Variants in BAHCC1 observed in about 807,000 individuals in gnomAD.
BAHCC1 encodes the protein BAH and coiled-coil domain-containing protein 1.
In BAHCC1, 43 loss-of-function variants were observed where a neutral mutation model predicts 88.2. That is an observed-to-expected ratio of 0.49 (90% CI 0.38 to 0.63). BAHCC1 has a LOEUF of 0.63. Among genes scored for constraint, BAHCC1 ranks in the 20% least tolerant of loss-of-function variants. BAHCC1 has a pLI of 0.00. For synonymous variants in BAHCC1, 1,510 were observed against 745.5 expected, an observed-to-expected ratio of 2.03 and a Z score of -16.71; for missense variants, 3,023 against 1,654.8, an observed-to-expected ratio of 1.83 and a Z score of -14.34.
At chr17:81,416,087 CGT>C (rs1218187387) in intron 2 of BAHCC1, among the ~76,000 whole-genome samples, 3 of 117,672 alleles carry the variant, frequency 2.5e-5, no homozygotes, top group Non-Finnish European at 3.5e-5. Context: ...TGCGTGTGTG[CGT>C]GTGTGTCCAT....
At position 81,412,575 on chromosome 17, in the gene BAHCC1, C is replaced by T. The variant is rs1216051370; in HGVS notation, c.178+12658C>T. Among the ~76,000 whole-genome samples the T allele has an allele frequency of 5.3e-5, 8 of 152,186 alleles. 1 individual carries two copies. The highest frequency in any genetic ancestry group is 1.9e-4 in the East Asian group (1 of 5,174). On this transcript the variant is annotated intron_variant, in intron 2 of 27. Transcript: ENST00000675386. The stretch of plus-strand genomic sequence containing the variant: ...CGGCCAGGGCAGGGAGCAGCCACCA[C>T]GCTTCAGCCTGCGTTGCTGACTCGT...
rs529239130 is a variant in BAHCC1 at position 81,464,964 on chromosome 17, C to G, written c.*1147C>G. On this transcript the variant is annotated 3_prime_UTR_variant, in exon 28 of 28. Coordinates refer to ENST00000675386, the MANE Select transcript of BAHCC1 (RefSeq NM_001377448.1). ...CCAGGTTCCTGAACTGGGCAGGGCT[C>G]GGGGCCTATGAGGGCAGGTTCACAG... 6 of 152,172 alleles carry G rather than the reference C, an allele frequency of 3.9e-5. No homozygotes were observed. The highest frequency in any genetic ancestry group is 8.8e-5 in the Non-Finnish European group (6 of 68,060). The allele number at this position is 152,172 out of a possible 1,614,324, so 9.4% of individuals were successfully genotyped here.
rs571167568 is a variant in BAHCC1 at position 81,406,366 on chromosome 17, C to T, written c.178+6449C>T. Among the ~76,000 whole-genome samples, 10 of 152,338 alleles carry T rather than the reference C, an allele frequency of 6.6e-5. No homozygotes were observed. In the East Asian group the frequency reaches 1.9e-3, roughly 29 times the overall value. ...GGTTACTTGCTCTGCATTCCCCCTC[C>T]CAGCCCCCGCTCCCCGCCCACCTGG... is the stretch of plus-strand genomic sequence containing the variant. On this transcript the variant is annotated intron_variant, in intron 2 of 27. Transcript: ENST00000675386.
At chr17:81,459,641 C>T (rs1555658585) in intron 23 of BAHCC1, 37 bp downstream of exon 23, 1 of 778,554 alleles carries the variant, frequency 1.3e-6, no homozygotes, top group Non-Finnish European at 2.4e-6. Flanking sequence ...GGGCAGGCCC[C>T]TCTGAGACCC....
At chr17:81,397,894 A>G (rs1261289282) in intron 1 of BAHCC1, among the ~76,000 whole-genome samples, 2 of 152,230 alleles carry the variant, frequency 1.3e-5, no homozygotes, top group African/African-American at 4.8e-5. Context: ...ATAAATATTA[A>G]AAAAGCTTAT....
rs117308357 is a variant in BAHCC1 at position 81,404,878 on chromosome 17, G to A, written c.178+4961G>A. 5.9e-3 allele frequency among the ~76,000 whole-genome samples: 905 copies of A among 152,236 alleles called. 5 individuals carry two copies. The highest frequency in any genetic ancestry group is 8.4e-3 in the Non-Finnish European group (569 of 68,012). On this transcript the variant is annotated intron_variant, in intron 2 of 27. Transcript: ENST00000675386. ...TGGAGGCAGGGACCGGAGAACAGTC[G>A]TGGGGAATCACTGAATGCTGCTTTC...
At position 81,442,471 on chromosome 17, in the gene BAHCC1, C is replaced by G. The variant is rs371913800; in HGVS notation, c.1122C>G (p.Asp374Glu). 1 of 720,294 alleles carries G rather than the reference C, an allele frequency of 1.4e-6. No homozygotes were observed. Among genetic ancestry groups the G allele is most frequent in the African/African-American group, 1.7e-5 (1 of 57,300 alleles). The allele number at this position is 720,294 out of a possible 1,614,324, so 44.6% of individuals were successfully genotyped here. Residue 374 changes from aspartate (D) to glutamate (E), a missense_variant, in exon 5 of 28, where the codon GAC becomes GAG. By Grantham distance (45) the Asp-to-Glu change is conservative (BLOSUM62 2). Transcript: ENST00000675386. ...GCCTGCAGCTGCACGGGGGCCCTGA[C>G]GGGCTCTGCCCGCTGCAGGACAAAG... ...FPCLQLHGGP[D>E]GLCPLQDKAP...
intron 26 of BAHCC1, 97 bp from the exon 27 acceptor site, chr17:81,462,643 C>G (rs1322705314): frequency 3.0e-6 from 2 of 660,992 alleles, no homozygotes; most frequent in Non-Finnish European, 2.7e-6. Context: ...CTCAGACTCA[C>G]ACTCACACCC....
At chr17:81,463,535 C>T (rs556937217) in intron 27 of BAHCC1, 76 bp from the exon 28 acceptor site, 12 of 757,168 alleles carry the variant, frequency 1.6e-5, no homozygotes, top group East Asian at 1.5e-4. Flanking sequence ...CATGGGTGGG[C>T]GGGTGGTCTT....
chr17:81,460,197 A>G, intron 23 of BAHCC1, 80 bp from the exon 24 acceptor site: 2 of 689,024 alleles, frequency 2.9e-6, no homozygotes, highest in South Asian at 1.6e-5. Context: ...CACCCTCCCC[A>G]CCGGCTTTGG....
Position 81,463,988 on chromosome 17 carries a change from G to A in BAHCC1, c.*171G>A. On this transcript the variant is annotated 3_prime_UTR_variant, in exon 28 of 28. Transcript: ENST00000675386. ...GCTTTCTTACGGTTTTCCCTGGAAAGAGCGCTCCAGGTGTCGGAATCCAGT... is the reference window on the plus strand; with the variant it reads ...GCTTTCTTACGGTTTTCCCTGGAAAAAGCGCTCCAGGTGTCGGAATCCAGT... 1 of 610,444 alleles carries A rather than the reference G, an allele frequency of 1.6e-6. No homozygotes were observed. 37.8% of individuals were successfully genotyped at this position (610,444 alleles called of 1,614,324 possible).
chr17:81,446,194 C>T (rs973944277), intron 10 of BAHCC1, among the ~76,000 whole-genome samples: 31 of 152,176 alleles, frequency 2.0e-4, no homozygotes, highest in Non-Finnish European at 4.3e-4. Flanking sequence ...ACACTGGAAA[C>T]CGTGTGGCGA....
chr17:81,435,431 C>T lies in BAHCC1; in HGVS notation c.359-2939C>T, dbSNP rs1171809409. 3 of 470,152 alleles carry T rather than the reference C, an allele frequency of 6.4e-6. No homozygotes were observed. Among genetic ancestry groups the T allele is most frequent in the Non-Finnish European group, 1.3e-5 (3 of 226,930 alleles). The allele number at this position is 470,152 out of a possible 1,614,324, so 29.1% of individuals were successfully genotyped here. ...ACTGCCCCCAGGGCTCTTCCCCACG[C>T]TCCACCAGGCTCCGAGGGCACCAGC... On this transcript the variant is annotated intron_variant, in intron 3 of 27. Transcript: ENST00000675386. The surrounding 1 kb of genome is among the most constrained non-coding windows in gnomAD (Gnocchi z 4.4).
At position 81,457,555 on chromosome 17, in the gene BAHCC1, G is replaced by A; in HGVS notation, c.5004G>A (p.Gln1668=). 3 of 749,528 alleles carry A rather than the reference G, an allele frequency of 4.0e-6. No individual in the cohort carries two copies. Among genetic ancestry groups the A allele is most frequent in the Non-Finnish European group, 7.4e-6 (3 of 403,042 alleles). 46.4% of individuals were successfully genotyped at this position (749,528 alleles called of 1,614,324 possible). The change falls in exon 17 of 28, where the codon CAG becomes CAA. Residue 1668 remains glutamine, a synonymous_variant. Transcript: ENST00000675386. ...PSSVVKMEAN[Q]KAKKKKERQG... ...CTGTGGTCAAGATGGAGGCCAACCA[G>A]AAGGCCAAGAAGAAGAAGGAGAGGC...
At chr17:81,429,751 A>G (rs2143430461) in intron 3 of BAHCC1, among the ~76,000 whole-genome samples, 1 of 152,062 alleles carries the variant, frequency 6.6e-6, no homozygotes, top group South Asian at 2.1e-4. Context: ...CCAGCTTGCC[A>G]CCCCCTCCCC....
intron 2 of BAHCC1, among the ~76,000 whole-genome samples, chr17:81,421,402 T>C (rs2064114148): frequency 6.6e-6 from 1 of 152,104 alleles, no homozygotes; most frequent in African/African-American, 2.4e-5. Context: ...CACGGTGCCA[T>C]CCCCAAACAC....
chr17:81,443,126 G>A lies in BAHCC1; in HGVS notation c.1777G>A (p.Ala593Thr), dbSNP rs1483232923. ...GGGTGTCCAGGCAGGCCAGGGCACC[G>A]CCATGGCCATCAGCGAGGAGCGCAA... is the stretch of plus-strand genomic sequence containing the variant. ...PWGVQAGQGT[A>T]MAISEERKAG... The change falls in exon 5 of 28, where the codon GCC becomes ACC. Residue 593 changes from alanine (A) to threonine (T), a missense_variant. Coordinates refer to ENST00000675386, the MANE Select transcript of BAHCC1 (RefSeq NM_001377448.1). 9 of 777,756 alleles carry A rather than the reference G, an allele frequency of 1.2e-5. No individual in the cohort carries two copies. The highest frequency in any genetic ancestry group is 1.9e-5 in the Non-Finnish European group (8 of 417,078). The allele number at this position is 777,756 out of a possible 1,614,324, so 48.2% of individuals were successfully genotyped here.
Position 81,459,602 on chromosome 17 carries a change from G to C in BAHCC1, c.5903G>C (p.Arg1968Pro). 1.3e-6 allele frequency: 1 copy of C among 779,610 alleles called. No individual in the cohort carries two copies. Among genetic ancestry groups the C allele is most frequent in the Non-Finnish European group, 2.4e-6 (1 of 417,894 alleles). 48.3% of individuals were successfully genotyped at this position (779,610 alleles called of 1,614,324 possible). ...TGTCTGTACCCGGGCAACGTGGTCC[G>C]GGGTAAGTTGCACCCAAAGCGGGGG... ...SRCLYPGNVV[R>P]GASGDEDEDL... The change falls in exon 23 of 28, where the codon CGG becomes CCG. Residue 1968 changes from arginine to proline, a missense_variant and splice_region_variant. By Grantham distance (103) the Arg-to-Pro change is moderately radical. Coordinates refer to ENST00000675386, the MANE Select transcript of BAHCC1 (RefSeq NM_001377448.1).
At chr17:81,449,499 T>C (rs1442601311) in intron 11 of BAHCC1, among the ~76,000 whole-genome samples, 1 of 152,200 alleles carries the variant, frequency 6.6e-6, no homozygotes, top group Non-Finnish European at 1.5e-5. Context: ...CCCCCAGGAC[T>C]GGCAGAACCA....
Sources: gnomAD v4.1 joint callset for allele counts (sites outside exome capture counted in the v4.1 genomes callset) on GRCh38, gnomAD v4.1.1 for gene constraint, Gnocchi (gnomAD v3.1) non-coding constraint, MANE v1.5 for transcripts, NCBI Gene and HGNC (gene_info 2026-07-23, HGNC 2026-07-21) for gene names.